Variants in SMARCA2 observed in about 807,000 individuals in gnomAD.
SMARCA2 encodes SWI/SNF-related matrix-associated actin-dependent regulator of chromatin subfamily A member 2.
Under a neutral mutation model 199.8 loss-of-function variants are expected in SMARCA2, and 61 were observed. The ratio of observed to expected loss-of-function variants is 0.31; its 90% CI spans 0.25 to 0.38. SMARCA2 has a LOEUF of 0.38. Ranked by LOEUF, SMARCA2 falls within the 10% of genes least tolerant of loss-of-function variation. SMARCA2 has a pLI of 1.00. For missense variants in SMARCA2, 1,344 were observed against 2,012.2 expected (o/e 0.67, Z 6.35); for synonymous variants, 935 against 732.0 (o/e 1.28, Z -4.48).
At chr9:2,078,696 G>C (rs1177065877) in intron 14 of SMARCA2, among the ~76,000 whole-genome samples, 1 of 151,812 alleles carries the variant, frequency 6.6e-6, no homozygotes, top group Non-Finnish European at 1.5e-5. Context: ...TGTAATCCCA[G>C]CACTTTGGGA....
intron 27 of SMARCA2, among the ~76,000 whole-genome samples, chr9:2,146,398 T>G (rs935578485): frequency 6.6e-6 from 1 of 152,116 alleles, no homozygotes. Context: ...ATGGGTAGGA[T>G]CAGATCATAG....
chr9:2,146,151 G>A (rs1824732609), intron 27 of SMARCA2, among the ~76,000 whole-genome samples: 1 of 152,216 alleles, frequency 6.6e-6, no homozygotes, highest in South Asian at 2.1e-4. Flanking sequence ...CATGTCTGGT[G>A]ATTCTGTTTC....
chr9:2,087,631 TC>T (rs1459145349), intron 18 of SMARCA2, among the ~76,000 whole-genome samples: 1 of 152,200 alleles, frequency 6.6e-6, no homozygotes, highest in African/African-American at 2.4e-5. Flanking sequence ...TTTTCCAATT[TC>T]TTATTGTTCC....
At position 2,123,465 on chromosome 9, in the gene SMARCA2, G is replaced by C. The variant is rs1265905677; in HGVS notation, c.3763-254G>C. On this transcript the variant is annotated intron_variant, in intron 26 of 33. Coordinates refer to ENST00000349721, the MANE Select transcript of SMARCA2 (RefSeq NM_003070.5). This position sits in a 1 kb window ranked among gnomAD's most constrained non-coding sequence, Gnocchi z 4.1. ...TTGCATACACACAGACTAAGAAAAG[G>C]AAATTCTTTAAAAGTACTTTTTAAA... is the stretch of plus-strand genomic sequence containing the variant. 6.6e-6 allele frequency among the ~76,000 whole-genome samples: 1 copy of C among 152,122 alleles called. No homozygotes were observed. Among genetic ancestry groups the C allele is most frequent in the Admixed American group, 6.5e-5 (1 of 15,272 alleles).
chr9:2,189,466 A>C (rs1827726126), intron 32 of SMARCA2, among the ~76,000 whole-genome samples: 1 of 152,034 alleles, frequency 6.6e-6, no homozygotes, highest in East Asian at 1.9e-4. Context: ...TTCATTTCCT[A>C]TACTCCTGTG....
chr9:2,124,639 C>T (rs1823609664), intron 27 of SMARCA2, among the ~76,000 whole-genome samples: 1 of 152,110 alleles, frequency 6.6e-6, no homozygotes, highest in Non-Finnish European at 1.5e-5. Context: ...CTCGGGTCAC[C>T]GATGCTTGGA....
At chr9:2,134,967 A>G (rs1824130897) in intron 27 of SMARCA2, among the ~76,000 whole-genome samples, 1 of 151,888 alleles carries the variant, frequency 6.6e-6, no homozygotes, top group Admixed American at 6.5e-5. Context: ...AGGGTTATCC[A>G]CAGAAACAGA....
intron 27 of SMARCA2, among the ~76,000 whole-genome samples, chr9:2,154,622 G>A (rs183541683): frequency 2.0e-5 from 3 of 152,302 alleles, no homozygotes; most frequent in East Asian, 1.9e-4. Flanking sequence ...CTCATGGACG[G>A]CCTATCCCAG....
intron 22 of SMARCA2, among the ~76,000 whole-genome samples, chr9:2,103,672 G>T (rs1236638901): frequency 6.6e-6 from 1 of 151,826 alleles, no homozygotes; most frequent in Non-Finnish European, 1.5e-5. Flanking sequence ...GAGAGAGAGA[G>T]AGAGAGAGAG....
chr9:2,104,783 T>A lies in SMARCA2; in HGVS notation c.3292+614T>A, dbSNP rs1367820770. ...AAGAAAAAATATTAATGGAAGCAAA[T>A]ATGATTTTAGGGATAATCCCTAAAT... On this transcript the variant is annotated intron_variant, in intron 23 of 33. Coordinates refer to ENST00000349721, the MANE Select transcript of SMARCA2 (RefSeq NM_003070.5). The surrounding 1 kb of genome is among the most constrained non-coding windows in gnomAD (Gnocchi z 4.0). 1.3e-5 allele frequency among the ~76,000 whole-genome samples: 2 copies of A among 152,150 alleles called. No individual in the cohort carries two copies. Among genetic ancestry groups the A allele is most frequent in the Admixed American group, 1.3e-4 (2 of 15,278 alleles).
intron 12 of SMARCA2, among the ~76,000 whole-genome samples, chr9:2,075,846 A>G (rs762145880): frequency 1.6e-4 from 24 of 152,124 alleles, no homozygotes; most frequent in Non-Finnish European, 2.2e-4. Context: ...TTTTTATGAG[A>G]AGGAGGATCC....
At chr9:2,168,679 G>C (rs552560037) in intron 28 of SMARCA2, among the ~76,000 whole-genome samples, 69 of 152,220 alleles carry the variant, frequency 4.5e-4, no homozygotes, top group African/African-American at 1.6e-3. Context: ...ATAAGTTTTC[G>C]TAACAAACAT....
At chr9:2,192,574 C>CGGAAAGAGATTT (rs1381504079) in intron 33 of SMARCA2, 130 bp from the exon 34 acceptor site, 4 of 746,592 alleles carry the variant, frequency 5.4e-6, no homozygotes, top group African/African-American at 1.7e-5. Flanking sequence ...TGTCCTCCCA[C>CGGAAAGAGATTT]GGAAAGAGAT....
In SMARCA2 at chr9:2,028,685, C is replaced by G. The variant is rs149331103; in HGVS notation, c.-36-302C>G. Among the ~76,000 whole-genome samples, 343 of 152,292 alleles carry G rather than the reference C, an allele frequency of 2.3e-3. 6 individuals are homozygous for G. The highest frequency in any genetic ancestry group is 8.0e-3 in the African/African-American group (332 of 41,548). On this transcript the variant is annotated intron_variant, in intron 1 of 33. Transcript: ENST00000349721. ...GTTGACTTCAGTAATAAATTTCAAA[C>G]TTGTTTAGAATTCTGCTTATGTGTT... is the stretch of plus-strand genomic sequence containing the variant.
intron 15 of SMARCA2, 149 bp from the exon 16 acceptor site, chr9:2,083,198 C>T (rs1261553588): frequency 1.1e-5 from 5 of 451,528 alleles, no homozygotes; most frequent in African/African-American, 2.0e-5. Context: ...CTCCTATTTC[C>T]ACACCTTTAA....
rs1449830646 is a variant in SMARCA2, at chr9:2,119,160, C to G, written c.3685-298C>G. Among the ~76,000 whole-genome samples, 3 of 152,160 alleles carry G rather than the reference C, an allele frequency of 2.0e-5. No homozygotes were observed. In the East Asian group the frequency reaches 5.8e-4, roughly 29 times the overall value. On this transcript the variant is annotated intron_variant, in intron 25 of 33. Transcript: ENST00000349721. The surrounding 1 kb of genome is among the most constrained non-coding windows in gnomAD (Gnocchi z 4.6). Reference sequence around the variant, plus strand: ...CATACCCATATGACCAATGAGGTCACTGAAGCGAGGAGACATTAAGTAACT... The same window carrying G: ...CATACCCATATGACCAATGAGGTCAGTGAAGCGAGGAGACATTAAGTAACT...
rs1252482007 is a variant in SMARCA2 at position 2,029,164 on chromosome 9, C to T, written c.142C>T (p.Pro48Ser). The change falls in exon 2 of 34, where the codon CCT becomes TCT. Residue 48 changes from proline (P) to serine (S), a missense_variant. Physicochemically the swap from Pro to Ser is moderately conservative, Grantham distance 74. Transcript: ENST00000349721. ...GSVHSMMGPS[P>S]GPPSVSHPMP... The stretch of plus-strand genomic sequence containing the variant: ...CGTCCACAGCATGATGGGGCCAAGT[C>T]CTGGACCTCCAAGTGTCTCCCATCC... The T allele has an allele frequency of 1.2e-6, 2 of 1,613,220 alleles. No individual in the cohort carries two copies. The highest frequency in any genetic ancestry group is 3.3e-5 in the Admixed American group (2 of 59,946).
intron 4 of SMARCA2, chr9:2,040,241 A>T (rs1484345057): frequency 2.0e-6 from 1 of 502,394 alleles, no homozygotes; most frequent in African/African-American, 1.9e-5. Context: ...AGTGCATTTC[A>T]TCCCCAGAAC....
intron 27 of SMARCA2, among the ~76,000 whole-genome samples, chr9:2,127,555 C>G (rs1472509103): frequency 1.3e-5 from 2 of 152,158 alleles, no homozygotes; most frequent in African/African-American, 4.8e-5. Flanking sequence ...CATCTCCATC[C>G]ACTTGAGCTG....
Sources: gnomAD v4.1 joint callset for allele counts (sites outside exome capture counted in the v4.1 genomes callset) on GRCh38, gnomAD v4.1.1 for gene constraint, Gnocchi (gnomAD v3.1) non-coding constraint, MANE v1.5 for transcripts, NCBI Gene and HGNC (gene_info 2026-07-23, HGNC 2026-07-21) for gene names.